MYH11: variants seen among roughly 807,000 people sequenced by gnomAD.
MYH11 encodes the protein myosin-11.
MYH11 carries 80 observed loss-of-function variants against 246.6 expected under a neutral mutation model. The ratio of observed to expected loss-of-function variants is 0.32; its 90% CI spans 0.27 to 0.39. The LOEUF (loss-of-function observed/expected upper bound fraction) is 0.39. Ranked by LOEUF, MYH11 falls within the 10% of genes least tolerant of loss-of-function variation. MYH11 has a pLI of 1.00. For synonymous variants in MYH11, 1,071 were observed against 1,015.5 expected (o/e 1.05, Z -1.04); for missense variants, 2,158 against 2,546.8 (o/e 0.85, Z 3.29).
intron 4 of MYH11, among the ~76,000 whole-genome samples, chr16:15,790,689 G>A (rs922766140): frequency 2.0e-5 from 3 of 152,118 alleles, no homozygotes; most frequent in African/African-American, 7.2e-5. Flanking sequence ...TTGGTACTGA[G>A]CTCCCTCTTC....
Position 15,747,857 on chromosome 16 carries a change from T to C in MYH11, c.2250+17A>G, listed in dbSNP as rs540210117. On this transcript the variant is annotated intron_variant, in intron 18 of 40. Coordinates refer to ENST00000300036, the MANE Select transcript of MYH11 (RefSeq NM_002474.3). ...CGGCCAGAGGTTGGGAGGTCTCTGGTGGACTTCTGGGCTCACCATGAGAAT... is the reference window on the plus strand; with the variant it reads ...CGGCCAGAGGTTGGGAGGTCTCTGGCGGACTTCTGGGCTCACCATGAGAAT... 16 of 1,613,258 alleles carry C rather than the reference T, an allele frequency of 9.9e-6. No homozygotes were observed. The highest frequency in any genetic ancestry group is 1.1e-5 in the South Asian group (1 of 91,042).
intron 37 of MYH11, chr16:15,718,103 A>G (rs1376704924): frequency 1.9e-5 from 14 of 729,562 alleles, no homozygotes; most frequent in Non-Finnish European, 2.9e-5. Context: ...CTGGAAAATG[A>G]GACACTGCAG....
chr16:15,798,614 A>C (rs1168700788), intron 4 of MYH11, 46 bp downstream of exon 4: 3 of 1,533,586 alleles, frequency 2.0e-6, no homozygotes, highest in Non-Finnish European at 2.6e-6. Flanking sequence ...AGATTAAAAA[A>C]AAAAAAAAAC....
chr16:15,740,253 G>C, intron 22 of MYH11, 65 bp from the exon 23 acceptor site: 1 of 1,610,112 alleles, frequency 6.2e-7, no homozygotes, highest in African/African-American at 1.3e-5. Context: ...TGGTGATCTG[G>C]GGACTAATGA....
At chr16:15,840,773 C>T (rs1048992693) in intron 1 of MYH11, among the ~76,000 whole-genome samples, 4 of 151,950 alleles carry the variant, frequency 2.6e-5, no homozygotes, top group Admixed American at 1.3e-4. Flanking sequence ...ATTATGGACC[C>T]CATGAACATG....
chr16:15,783,267 G>C (rs1360253537), intron 5 of MYH11: 1 of 152,400 alleles, frequency 6.6e-6, no homozygotes. Context: ...GTTGGGCCCC[G>C]AGGCCTCCAG....
chr16:15,815,862 C>T (rs976612139), intron 3 of MYH11, among the ~76,000 whole-genome samples: 4 of 152,142 alleles, frequency 2.6e-5, no homozygotes, highest in East Asian at 3.8e-4. Flanking sequence ...CACTCACAAA[C>T]ATACACACAT....
chr16:15,741,399 A>C, intron 22 of MYH11, 64 bp downstream of exon 22: 1 of 1,553,212 alleles, frequency 6.4e-7, no homozygotes, highest in Non-Finnish European at 8.8e-7. Flanking sequence ...ATGCACCTCC[A>C]CAGGCCTGTG....
Position 15,745,116 on chromosome 16 carries a change from G to A in MYH11, c.2520+13C>T. On this transcript the variant is annotated intron_variant, in intron 20 of 40. Coordinates refer to ENST00000300036, the MANE Select transcript of MYH11 (RefSeq NM_002474.3). Reference sequence around the variant, plus strand: ...GGGGGCCCCTGGGAAGGGGGCTGGGGCAGAGCACTCACTTTGGTGAAAAGC... The same window carrying A: ...GGGGGCCCCTGGGAAGGGGGCTGGGACAGAGCACTCACTTTGGTGAAAAGC... 1.9e-6 allele frequency: 3 copies of A among 1,608,888 alleles called. No individual in the cohort carries two copies. Among genetic ancestry groups the A allele is most frequent in the East Asian group, 2.2e-5 (1 of 44,846 alleles).
intron 4 of MYH11, among the ~76,000 whole-genome samples, chr16:15,798,341 A>G (rs775820798): frequency 1.2e-4 from 19 of 152,222 alleles, no homozygotes; most frequent in Non-Finnish European, 2.1e-4. Flanking sequence ...GATTCTGCAT[A>G]TAAAATCTTT....
chr16:15,722,540 C>G (rs2151213816), intron 31 of MYH11, among the ~76,000 whole-genome samples: 1 of 152,314 alleles, frequency 6.6e-6, no homozygotes, highest in Admixed American at 6.5e-5. Flanking sequence ...GCACTACACT[C>G]TATGTGACAG....
intron 2 of MYH11, among the ~76,000 whole-genome samples, chr16:15,829,890 T>G (rs1021436020): frequency 3.3e-5 from 5 of 152,156 alleles, no homozygotes; most frequent in East Asian, 1.9e-4. Flanking sequence ...ATCCCGGCAC[T>G]TTGGGAGGCC....
At chr16:15,720,075 G>C in intron 34 of MYH11, 76 bp downstream of exon 34, 1 of 1,593,990 alleles carries the variant, frequency 6.3e-7, no homozygotes, top group Non-Finnish European at 8.6e-7. Flanking sequence ...CCTGGAGCCC[G>C]CTCTGCTGAC....
chr16:15,721,613 T>G lies in MYH11; in HGVS notation c.4387A>C (p.Ile1463Leu). The change falls in exon 32 of 41, where the codon ATC becomes CTC. Residue 1463 changes from isoleucine to leucine, a missense_variant. By Grantham distance (5) the Ile-to-Leu change is conservative. Coordinates refer to ENST00000300036, the MANE Select transcript of MYH11 (RefSeq NM_002474.3). ...CTCTCATCCGCGTATTTGGAAGAGA[T>G]GTTTTTCTCCTCGGCTAACAACTAC... The part of the protein sequence containing the change: ...FDQLLAEEKN[I>L]SSKYADERDR... 6.2e-7 allele frequency: 1 copy of G among 1,614,136 alleles called. No homozygotes were observed. The highest frequency in any genetic ancestry group is 8.5e-7 in the Non-Finnish European group (1 of 1,180,036).
chr16:15,733,976 G>A (rs1438066282), intron 26 of MYH11, among the ~76,000 whole-genome samples: 1 of 152,232 alleles, frequency 6.6e-6, no homozygotes, highest in Non-Finnish European at 1.5e-5. Context: ...GGCACAGCTA[G>A]CATAGCTATA....
intron 4 of MYH11, among the ~76,000 whole-genome samples, chr16:15,790,329 A>AACAG (rs1267983056): frequency 1.4e-4 from 19 of 140,098 alleles, no homozygotes; most frequent in African/African-American, 5.0e-4. Flanking sequence ...CAAACAAACA[A>AACAG]ACAGACAGAC....
At chr16:15,812,391 T>A (rs1179119497) in intron 3 of MYH11, among the ~76,000 whole-genome samples, 3 of 151,708 alleles carry the variant, frequency 2.0e-5, no homozygotes, top group African/African-American at 7.3e-5. Context: ...TGCCATTTCA[T>A]AAGCACCACG....
At chr16:15,791,835 G>A (rs1359940030) in intron 4 of MYH11, 1 of 151,858 alleles carries the variant, frequency 6.6e-6, no homozygotes, top group Non-Finnish European at 1.5e-5. Context: ...CACCACAGCT[G>A]GCTGATTTTT....
intron 1 of MYH11, among the ~76,000 whole-genome samples, chr16:15,851,405 A>G (rs2151395994): frequency 6.6e-6 from 1 of 152,318 alleles, no homozygotes; most frequent in African/African-American, 2.4e-5. Context: ...GTAAGGTGGC[A>G]TCACCTGCTA....
Sources: allele counts gnomAD v4.1 joint callset (sites outside exome capture counted in the v4.1 genomes callset), GRCh38; gene constraint gnomAD v4.1.1; transcripts MANE v1.5; gene names NCBI Gene and HGNC (gene_info 2026-07-23, HGNC 2026-07-21).